The following TRPM2 variants were observed in gnomAD, a reference collection of about 807,000 sequenced individuals.
TRPM2 encodes the protein estrogen-responsive element-associated gene 1 protein.
A neutral mutation model predicts 174.0 loss-of-function variants in TRPM2; 161 were observed. That is an observed-to-expected ratio of 0.93 (90% CI 0.81 to 1.05). The LOEUF (loss-of-function observed/expected upper bound fraction) is 1.05, where lower values mean the gene tolerates loss of function less well. Among genes scored for constraint, TRPM2 ranks in the 50% least tolerant of loss-of-function variants. The pLI, the probability that TRPM2 is intolerant of heterozygous loss-of-function variation, is 0.00. For missense variants in TRPM2, 2,057 were observed against 2,038.0 expected (o/e 1.01, Z -0.18); for synonymous variants, 954 against 861.3 (o/e 1.11, Z -1.88).
rs1349452188 is a variant in TRPM2 at position 44,376,109 on chromosome 21, G to A, written c.952+96G>A. On this transcript the variant is annotated intron_variant, in intron 6 of 31. Transcript: ENST00000397928. The surrounding 1 kb of genome is among the most constrained non-coding windows in gnomAD (Gnocchi z 4.2). Reference sequence around the variant, plus strand: ...TGGTCACGACCAGGACGTTCAACAGGCCTGGCGTTTGGCAGAGAGTGCAGT... The same window carrying A: ...TGGTCACGACCAGGACGTTCAACAGACCTGGCGTTTGGCAGAGAGTGCAGT... The A allele has an allele frequency of 5.5e-6, 8 of 1,445,672 alleles. No homozygotes were observed. In the East Asian group the frequency reaches 1.7e-4, roughly 30 times the overall value. 89.6% of individuals were successfully genotyped at this position (1,445,672 alleles called of 1,614,324 possible).
At chr21:44,403,544 GCA>G (rs45476596) in intron 16 of TRPM2, among the ~76,000 whole-genome samples, 6,060 of 147,926 alleles carry the variant, frequency 0.041, 342 homozygotes, top group African/African-American at 0.13. Flanking sequence ...ACACACATAG[GCA>G]CACACACATA....
rs117548537 is a variant in TRPM2 at position 44,426,654 on chromosome 21, C to A, written c.3796-6C>A. The A allele has an allele frequency of 6.2e-7, 1 of 1,614,112 alleles. No individual in the cohort carries two copies. The highest frequency in any genetic ancestry group is 8.5e-7 in the Non-Finnish European group (1 of 1,179,944). On this transcript the variant is annotated splice_region_variant and splice_polypyrimidine_tract_variant and intron_variant, in intron 25 of 31. Transcript: ENST00000397928. ...ATCTGAGGGAAAACTCCCTGTTTTG[C>A]GACAGACGGAGTTCCTGATCTATGA...
chr21:44,381,949 GATGGATA>G (rs1222730696), intron 8 of TRPM2, among the ~76,000 whole-genome samples: 2 of 100,356 alleles, frequency 2.0e-5, no homozygotes, highest in African/African-American at 7.0e-5. Context: ...ATGATAGATA[GATGGATA>G]GATAGATAGA....
Position 44,406,606 on chromosome 21 carries a change from T to A in TRPM2, c.2803T>A (p.Phe935Ile). ...IIVKRMMKDV[F>I]FFLFLLAVWV... ...CTCTGTCCTGCAGATGAAGGACGTCTTCTTCTTCCTCTTCCTGCTGGCTGT... is the reference window on the plus strand; with the variant it reads ...CTCTGTCCTGCAGATGAAGGACGTCATCTTCTTCCTCTTCCTGCTGGCTGT... The change falls in exon 19 of 32, where the codon TTC becomes ATC. Residue 935 changes from phenylalanine to isoleucine, a missense_variant. By Grantham distance (21) the Phe-to-Ile change is conservative. Transcript: ENST00000397928. 4 of 1,609,330 alleles carry A rather than the reference T, an allele frequency of 2.5e-6. No individual in the cohort carries two copies. The highest frequency in any genetic ancestry group is 3.4e-6 in the Non-Finnish European group (4 of 1,178,782).
intron 5 of TRPM2, 76 bp from the exon 6 acceptor site, chr21:44,375,757 G>GC (rs2048678563): frequency 6.7e-7 from 1 of 1,488,314 alleles, no homozygotes; most frequent in East Asian, 2.4e-5. Flanking sequence ...CTCTGTGAGG[G>GC]CCGGTGTTCA....
intron 5 of TRPM2, among the ~76,000 whole-genome samples, chr21:44,371,119 C>T (rs1428845738): frequency 6.6e-6 from 1 of 152,258 alleles, no homozygotes; most frequent in Non-Finnish European, 1.5e-5. Context: ...GCGGGGCCAC[C>T]TCCCTCTAGG....
intron 7 of TRPM2, among the ~76,000 whole-genome samples, chr21:44,378,201 G>A (rs1186933072): frequency 6.6e-6 from 1 of 152,252 alleles, no homozygotes; most frequent in African/African-American, 2.4e-5. Context: ...TGTGACTGCA[G>A]ATTTGGCAGG....
intron 13 of TRPM2, among the ~76,000 whole-genome samples, chr21:44,398,658 G>A (rs769016257): frequency 1.8e-4 from 27 of 152,134 alleles, no homozygotes; most frequent in Non-Finnish European, 3.7e-4. Flanking sequence ...TCTTCTCGCT[G>A]TCTGCTGTTT....
rs1021646750 is a variant in TRPM2 at position 44,399,056 on chromosome 21, G to A, written c.2063-240G>A. On this transcript the variant is annotated intron_variant, in intron 13 of 31. Coordinates refer to ENST00000397928, the MANE Select transcript of TRPM2 (RefSeq NM_003307.4). The surrounding 1 kb of genome is among the most constrained non-coding windows in gnomAD (Gnocchi z 4.6). ...GATGGAGTCCATTAGGTCAGTTCTC[G>A]GTCCCTGTCTGAGTTTTCTCCCTGT... Among the ~76,000 whole-genome samples, 5 of 152,120 alleles carry A rather than the reference G, an allele frequency of 3.3e-5. No individual in the cohort carries two copies. The highest frequency in any genetic ancestry group is 6.6e-5 in the Admixed American group (1 of 15,260).
intron 22 of TRPM2, among the ~76,000 whole-genome samples, chr21:44,422,096 C>T (rs1162240726): frequency 3.3e-5 from 5 of 152,188 alleles, no homozygotes; most frequent in African/African-American, 4.8e-5. Context: ...TTGCAGAACA[C>T]GGGCTCCAGG....
At chr21:44,406,836 C>T in intron 19 of TRPM2, 71 bp downstream of exon 19, 6 of 1,531,838 alleles carry the variant, frequency 3.9e-6, no homozygotes, top group Non-Finnish European at 5.3e-6. Context: ...AAAGGGGCCG[C>T]ATGAGTGGGA....
intron 11 of TRPM2, among the ~76,000 whole-genome samples, chr21:44,394,750 G>T (rs948895197): frequency 2.0e-5 from 3 of 152,290 alleles, no homozygotes. Flanking sequence ...CTGTGGTTTA[G>T]GAAGAAAAAC....
intron 15 of TRPM2, among the ~76,000 whole-genome samples, chr21:44,400,721 G>T (rs1158157059): frequency 1.3e-5 from 2 of 148,900 alleles, no homozygotes; most frequent in African/African-American, 4.9e-5. Context: ...GCAGGTCTGG[G>T]ATGCGAGCAG....
chr21:44,439,122 A>C lies in TRPM2; in HGVS notation c.4223A>C (p.Gln1408Pro). 1 of 1,613,798 alleles carries C rather than the reference A, an allele frequency of 6.2e-7. No homozygotes were observed. ...LPRKLKRILR[Q>P]EHWPSFENLL... is the part of the protein sequence containing the mutation. Reference sequence around the variant, plus strand: ...CGGAAGCTGAAGCGGATCCTCCGGCAGGAGCACTGGCCGTCTTTTGAAAAC... The same window carrying C: ...CGGAAGCTGAAGCGGATCCTCCGGCCGGAGCACTGGCCGTCTTTTGAAAAC... The change falls in exon 30 of 32, where the codon CAG becomes CCG. Residue 1408 changes from glutamine to proline, a missense_variant. By Grantham distance (76) the Gln-to-Pro change is moderately conservative (BLOSUM62 -1). Transcript: ENST00000397928. This position sits in a 1 kb window ranked among gnomAD's most constrained non-coding sequence, Gnocchi z 5.1.
chr21:44,434,400 T>C (rs961058350), intron 27 of TRPM2, among the ~76,000 whole-genome samples: 1 of 147,334 alleles, frequency 6.8e-6, no homozygotes, highest in African/African-American at 2.5e-5. Context: ...GTGGCGGGGA[T>C]GGTGGCGGGG....
rs547210161 is a variant in TRPM2 at position 44,376,124 on chromosome 21, G to C, written c.952+111G>C. 7.5e-7 allele frequency: 1 copy of C among 1,336,810 alleles called. No individual in the cohort carries two copies. Among genetic ancestry groups the C allele is most frequent in the South Asian group, 1.4e-5 (1 of 71,348 alleles). The allele number at this position is 1,336,810 out of a possible 1,614,324, so 82.8% of individuals were successfully genotyped here. A position where few individuals can be genotyped will look rare whatever the true frequency, so the allele number is the denominator to read the frequency against. On this transcript the variant is annotated intron_variant, in intron 6 of 31. Coordinates refer to ENST00000397928, the MANE Select transcript of TRPM2 (RefSeq NM_003307.4). This position sits in a 1 kb window ranked among gnomAD's most constrained non-coding sequence, Gnocchi z 4.2. Reference sequence around the variant, plus strand: ...CGTTCAACAGGCCTGGCGTTTGGCAGAGAGTGCAGTGGGCTGGTCAGAGTG... The same window carrying C: ...CGTTCAACAGGCCTGGCGTTTGGCACAGAGTGCAGTGGGCTGGTCAGAGTG...
upstream of TRPM2, among the ~76,000 whole-genome samples, chr21:44,350,619 G>C (rs540801771): frequency 7.8e-6 from 1 of 128,976 alleles, no homozygotes; most frequent in Admixed American, 7.5e-5. Context: ...GGTGCAGGGC[G>C]CGGTGGGGTG....
chr21:44,363,136 A>G (rs970356178), intron 2 of TRPM2, among the ~76,000 whole-genome samples: 16 of 152,178 alleles, frequency 1.1e-4, no homozygotes, highest in African/African-American at 3.9e-4. Flanking sequence ...CTTGGCATGT[A>G]TCTCTTTGGA....
intron 5 of TRPM2, among the ~76,000 whole-genome samples, chr21:44,370,696 G>C (rs987935293): frequency 1.3e-5 from 2 of 152,270 alleles, no homozygotes; most frequent in Non-Finnish European, 2.9e-5. Context: ...GCCAGCCCCA[G>C]CCCGGCCTTC....
Sources: allele counts gnomAD v4.1 joint callset (sites outside exome capture counted in the v4.1 genomes callset), GRCh38; gene constraint gnomAD v4.1.1; non-coding constraint Gnocchi (gnomAD v3.1); transcripts MANE v1.5; gene names NCBI Gene and HGNC (gene_info 2026-07-23, HGNC 2026-07-21).